The following SLC4A5 variants were observed in gnomAD, a reference collection of about 807,000 sequenced individuals.
SLC4A5 encodes electrogenic sodium bicarbonate cotransporter 4.
A neutral mutation model predicts 120.4 loss-of-function variants in SLC4A5; 96 were observed. The ratio of observed to expected loss-of-function variants is 0.80; its 90% confidence interval spans 0.68 to 0.94. The LOEUF (loss-of-function observed/expected upper bound fraction) is 0.94. Among genes scored for constraint, SLC4A5 ranks in the 40% least tolerant of loss-of-function variants. SLC4A5 has a pLI of 0.00. For synonymous variants in SLC4A5, 550 were observed against 571.1 expected (o/e 0.96, Z 0.53); for missense variants, 1,259 against 1,459.5 (o/e 0.86, Z 2.24).
At chr2:74,329,008 C>A (rs1482991708) in intron 4 of SLC4A5, among the ~76,000 whole-genome samples, 2 of 152,114 alleles carry the variant, frequency 1.3e-5, no homozygotes, top group Non-Finnish European at 2.9e-5. Flanking sequence ...GAAGACCTCT[C>A]TAGACTACAG....
At chr2:74,249,670 C>CA (rs1670730484) in intron 17 of SLC4A5, among the ~76,000 whole-genome samples, 1 of 152,074 alleles carries the variant, frequency 6.6e-6, no homozygotes, top group Admixed American at 6.5e-5. Flanking sequence ...CAGGGAGCAG[C>CA]ACGTCAGGAG....
intron 11 of SLC4A5, among the ~76,000 whole-genome samples, chr2:74,260,311 C>T (rs1190484461): frequency 6.6e-6 from 1 of 152,136 alleles, no homozygotes; most frequent in East Asian, 1.9e-4. Flanking sequence ...CTTGGCTCTC[C>T]TCCTCTCATT....
chr2:74,266,437 T>G (rs1671305250), intron 8 of SLC4A5, among the ~76,000 whole-genome samples: 1 of 152,150 alleles, frequency 6.6e-6, no homozygotes, highest in Non-Finnish European at 1.5e-5. Flanking sequence ...CTTGGCTAAT[T>G]TTTGTATTTT....
chr2:74,260,320 T>A (rs139169538), intron 11 of SLC4A5, among the ~76,000 whole-genome samples: 4 of 152,072 alleles, frequency 2.6e-5, no homozygotes, highest in Non-Finnish European at 5.9e-5. Flanking sequence ...CCTCCTCTCA[T>A]TTCTGTCCCA....
intron 8 of SLC4A5, among the ~76,000 whole-genome samples, chr2:74,284,587 G>T (rs968581850): frequency 6.6e-6 from 1 of 152,112 alleles, no homozygotes; most frequent in East Asian, 1.9e-4. Flanking sequence ...AAAGAAGGTG[G>T]AGAAATATCG....
At chr2:74,222,416 T>C (rs1420860345) in intron 29 of SLC4A5, among the ~76,000 whole-genome samples, 2 of 152,154 alleles carry the variant, frequency 1.3e-5, no homozygotes, top group East Asian at 1.9e-4. Flanking sequence ...CCAGTTCTCT[T>C]TGATCTCTGC....
chr2:74,312,331 A>C (rs998674433), intron 6 of SLC4A5, among the ~76,000 whole-genome samples: 2 of 151,478 alleles, frequency 1.3e-5, no homozygotes, highest in African/African-American at 2.4e-5. Context: ...GCTGGGTTCA[A>C]CTGATTTCCT....
At position 74,275,371 on chromosome 2, in the gene SLC4A5, A is replaced by C. The variant is rs145117372; in HGVS notation, c.402-10107T>G. On this transcript the variant is annotated intron_variant, in intron 8 of 30. Transcript: ENST00000394019. ...TGAAAAATTCTGAATGGGCTCCTTC[A>C]AGGAGAGGCTTCTGGAACCAAAACC... Among the ~76,000 whole-genome samples, 40 of 152,350 alleles carry C rather than the reference A, an allele frequency of 2.6e-4. No individual in the cohort carries two copies. The East Asian group carries it at 3.1e-3, about 12-fold the overall frequency.
At chr2:74,316,496 C>T (rs879443205) in intron 5 of SLC4A5, among the ~76,000 whole-genome samples, 1 of 152,132 alleles carries the variant, frequency 6.6e-6, no homozygotes, top group Non-Finnish European at 1.5e-5. Context: ...TATCATCTCC[C>T]TTTTGCAGTG....
chr2:74,219,215 GTGTGTT>G (rs374320226), intron 30 of SLC4A5, among the ~76,000 whole-genome samples: 20,982 of 108,982 alleles, frequency 0.19, 1,612 homozygotes, highest in Non-Finnish European at 0.22. Context: ...GTGTGTGTGT[GTGTGTT>G]TGTGTGTGTT....
intron 17 of SLC4A5, among the ~76,000 whole-genome samples, chr2:74,249,472 T>C (rs1670723419): frequency 6.6e-6 from 1 of 151,956 alleles, no homozygotes; most frequent in Non-Finnish European, 1.5e-5. Flanking sequence ...GAAAACAGAA[T>C]GTAGAATGGT....
intron 4 of SLC4A5, among the ~76,000 whole-genome samples, chr2:74,332,716 T>TGA: frequency 6.6e-6 from 1 of 151,926 alleles, no homozygotes; most frequent in Non-Finnish European, 1.5e-5. Flanking sequence ...TGTGTGTGTG[T>TGA]GTGTGTGTGC....
intron 7 of SLC4A5, among the ~76,000 whole-genome samples, chr2:74,286,254 G>A (rs1373512802): frequency 1.3e-5 from 2 of 152,112 alleles, no homozygotes; most frequent in Non-Finnish European, 2.9e-5. Flanking sequence ...CACCCGAGGG[G>A]GTTCTTCTTC....
intron 5 of SLC4A5, among the ~76,000 whole-genome samples, chr2:74,326,580 G>C (rs1037473346): frequency 3.9e-5 from 6 of 152,184 alleles, no homozygotes; most frequent in African/African-American, 1.2e-4. Flanking sequence ...CAGCACTTTG[G>C]GAGGACGAGG....
intron 19 of SLC4A5, among the ~76,000 whole-genome samples, chr2:74,246,312 C>T (rs988348268): frequency 1.3e-5 from 2 of 152,096 alleles, no homozygotes; most frequent in South Asian, 2.1e-4. Context: ...CCAAGGGGGC[C>T]GAGAACTCCC....
chr2:74,260,248 T>A (rs900925923), intron 11 of SLC4A5, among the ~76,000 whole-genome samples: 1 of 152,204 alleles, frequency 6.6e-6, no homozygotes, highest in Admixed American at 6.5e-5. Flanking sequence ...CTCAGACCTA[T>A]CGTGTCTCGG....
exon 27 of SLC4A5, chr2:74,227,095 G>A: frequency 6.2e-7 from 1 of 1,613,930 alleles, no homozygotes; most frequent in Non-Finnish European, 8.5e-7. Flanking sequence ...GCTGGTGCTT[G>A]GCTGGCATCA....
chr2:74,326,650 C>A (rs575007691), intron 5 of SLC4A5, among the ~76,000 whole-genome samples: 1 of 152,164 alleles, frequency 6.6e-6, no homozygotes, highest in Admixed American at 6.5e-5. Context: ...GAAACCCTGT[C>A]TCTACTAAAA....
At chr2:74,337,079 G>A (rs1673506021) in intron 3 of SLC4A5, among the ~76,000 whole-genome samples, 1 of 152,202 alleles carries the variant, frequency 6.6e-6, no homozygotes, top group South Asian at 2.1e-4. Context: ...ACAAAGGCTG[G>A]AGGGAAGTTG....
Sources: allele counts gnomAD v4.1 joint callset (sites outside exome capture counted in the v4.1 genomes callset), GRCh38; gene constraint gnomAD v4.1.1; transcripts MANE v1.5; gene names NCBI Gene and HGNC (gene_info 2026-07-23, HGNC 2026-07-21).